The following BPTF variants were observed in gnomAD, a reference collection of about 807,000 sequenced individuals.
The protein encoded by BPTF is nucleosome-remodeling factor subunit BPTF.
Under a neutral mutation model 292.5 loss-of-function variants are expected in BPTF, and 18 were observed. That is an observed-to-expected ratio of 0.06 (90% CI 0.04 to 0.09). BPTF has a LOEUF of 0.09. BPTF is among the 10% of genes least tolerant of loss of function. BPTF has a pLI of 1.00. For missense variants in BPTF, 2,726 were observed against 3,498.7 expected (o/e 0.78, Z 5.57); for synonymous variants, 1,225 against 1,251.9 (o/e 0.98, Z 0.45).
Position 67,911,010 on chromosome 17 carries a change from T to C in BPTF, c.3126T>C (p.Ser1042=). 1 of 1,613,906 alleles carries C rather than the reference T, an allele frequency of 6.2e-7. No homozygotes were observed. Among genetic ancestry groups the C allele is most frequent in the Non-Finnish European group, 8.5e-7 (1 of 1,179,872 alleles). ...ESSQVDVVNV[S]EGFHLRTSYK... is the part of the protein sequence containing the mutation. Reference sequence around the variant, plus strand: ...CTCAAGTAGATGTGGTCAATGTTAGTGAGGGTTTTCATCTAAGGACTAGTT... The same window carrying C: ...CTCAAGTAGATGTGGTCAATGTTAGCGAGGGTTTTCATCTAAGGACTAGTT... The change falls in exon 11 of 28, where the codon AGT becomes AGC. Residue 1042 remains serine (S), a synonymous_variant. Coordinates refer to ENST00000306378, the MANE Select transcript of BPTF (RefSeq NM_182641.4).
chr17:67,937,131 T>C (rs1159980254), intron 18 of BPTF, among the ~76,000 whole-genome samples: 1 of 152,150 alleles, frequency 6.6e-6, no homozygotes, highest in East Asian at 1.9e-4. Flanking sequence ...TATAATAATG[T>C]ATGAATTTTA....
chr17:67,849,747 G>C (rs1206377978), intron 1 of BPTF, among the ~76,000 whole-genome samples: 1 of 152,014 alleles, frequency 6.6e-6, no homozygotes, highest in African/African-American at 2.4e-5. Context: ...AGACCAGCCT[G>C]GCCAACATGG....
intron 26 of BPTF, chr17:67,974,150 TG>T (rs2148577887): frequency 6.6e-6 from 1 of 152,362 alleles, no homozygotes; most frequent in South Asian, 2.1e-4. Flanking sequence ...TGGAGATTAC[TG>T]GCCTTTCACT....
At chr17:67,833,997 C>T (rs993017460) in intron 1 of BPTF, among the ~76,000 whole-genome samples, 11 of 152,122 alleles carry the variant, frequency 7.2e-5, no homozygotes, top group African/African-American at 2.7e-4. Flanking sequence ...TCCTTATTCA[C>T]TCCTTATTTC....
chr17:67,825,919 C>A lies in BPTF; in HGVS notation c.195C>A (p.Ser65Arg), dbSNP rs1217399164. Residue 65 changes from serine (S) to arginine (R), a missense_variant, in exon 1 of 28, where the codon AGC becomes AGA. This residue lies in a region of BPTF where 103 missense variants were observed against 72.1 expected (regional missense o/e 1.43). Transcript: ENST00000306378. ...AGGTGGCGCCCAAGACGCGGCTGAG[C>A]TCGCCCAGGGGGGGCAGCAGTAGCC... is the stretch of plus-strand genomic sequence containing the variant. ...QAEVAPKTRLSSPRGGSSSRR... is the reference protein window; with the variant it reads ...QAEVAPKTRLRSPRGGSSSRR... 11 of 1,015,028 alleles carry A rather than the reference C, an allele frequency of 1.1e-5. No individual in the cohort carries two copies. The highest frequency in any genetic ancestry group is 1.7e-5 in the African/African-American group (1 of 57,368). The allele number at this position is 1,015,028 out of a possible 1,614,324, so 62.9% of individuals were successfully genotyped here.
At chr17:67,836,632 G>C (rs575582642) in intron 1 of BPTF, among the ~76,000 whole-genome samples, 20 of 152,152 alleles carry the variant, frequency 1.3e-4, no homozygotes, top group Non-Finnish European at 2.2e-4. Context: ...CATGAGGACT[G>C]ATAAAACTCC....
chr17:67,856,481 T>G (rs11654980), intron 2 of BPTF, among the ~76,000 whole-genome samples: 4 of 152,244 alleles, frequency 2.6e-5, no homozygotes, highest in Admixed American at 6.5e-5. Context: ...TTCAGATGTT[T>G]ATTAATTCTT....
intron 1 of BPTF, among the ~76,000 whole-genome samples, chr17:67,837,756 C>G (rs1327628109): frequency 1.3e-5 from 2 of 152,166 alleles, no homozygotes; most frequent in East Asian, 3.9e-4. Flanking sequence ...AAGGTTTACT[C>G]AGACCTTTAG....
intron 23 of BPTF, chr17:67,956,211 C>T (rs1353894444): frequency 4.1e-5 from 6 of 145,004 alleles, no homozygotes; most frequent in African/African-American, 1.3e-4. Context: ...CCCAGCTACT[C>T]GGGAGGCTGA....
At chr17:67,875,861 A>C (rs1032639964) in intron 4 of BPTF, 1 of 861,172 alleles carries the variant, frequency 1.2e-6, no homozygotes, top group African/African-American at 1.8e-5. Context: ...GCTTGCTTAC[A>C]GTGCCATCCC....
In BPTF at chr17:67,874,980, C is replaced by A. The variant is rs780062771; in HGVS notation, c.1824C>A (p.Asp608Glu). ...EDQSLEKDSD[D>E]KTPDDDPEQG... ...AGTCCCTTGAAAAAGACAGTGACGACAAAACACCAGATGATGACCCTGAGC... is the reference window on the plus strand; with the variant it reads ...AGTCCCTTGAAAAAGACAGTGACGAAAAAACACCAGATGATGACCCTGAGC... Residue 608 changes from aspartate (D) to glutamate (E), a missense_variant, in exon 4 of 28, where the codon GAC becomes GAA. By Grantham distance (45) the Asp-to-Glu change is conservative (BLOSUM62 2). Transcript: ENST00000306378. 6.2e-7 allele frequency: 1 copy of A among 1,613,606 alleles called. No homozygotes were observed. Among genetic ancestry groups the A allele is most frequent in the South Asian group, 1.1e-5 (1 of 90,974 alleles).
intron 9 of BPTF, 30 bp downstream of exon 9, chr17:67,904,870 A>G: frequency 6.4e-7 from 1 of 1,552,108 alleles, no homozygotes; most frequent in Non-Finnish European, 8.8e-7. Flanking sequence ...TGTCCTGCAT[A>G]ATCGTTTCTG....
chr17:67,964,141 G>C, intron 24 of BPTF, 71 bp from the exon 25 acceptor site: 1 of 1,476,134 alleles, frequency 6.8e-7, no homozygotes, highest in Admixed American at 2.0e-5. Flanking sequence ...CAAATTTTCA[G>C]GTGCATGCTT....
chr17:67,956,833 G>A (rs2066993847), intron 23 of BPTF: 2 of 152,010 alleles, frequency 1.3e-5, no homozygotes, highest in African/African-American at 4.8e-5. Context: ...GTGTGGTGGC[G>A]GGCGCATGTA....
At chr17:67,932,846 T>G (rs1343895909) in intron 18 of BPTF, among the ~76,000 whole-genome samples, 1 of 151,464 alleles carries the variant, frequency 6.6e-6, no homozygotes, top group African/African-American at 2.4e-5. Flanking sequence ...ATAAAGGCCA[T>G]AAAAAGAAAG....
In BPTF at chr17:67,854,062, G is replaced by A. The variant is rs756897689; in HGVS notation, c.736G>A (p.Val246Ile). The A allele has an allele frequency of 3.7e-6, 6 of 1,614,070 alleles. No individual in the cohort carries two copies. The change falls in exon 2 of 28, where the codon GTC becomes ATC. Residue 246 changes from valine (V) to isoleucine (I), a missense_variant. Val to Ile is a conservative substitution (Grantham distance 29). This residue lies in a region of BPTF where 102 missense variants were observed against 212.6 expected (regional missense o/e 0.48). Coordinates refer to ENST00000306378, the MANE Select transcript of BPTF (RefSeq NM_182641.4). The surrounding 1 kb of genome is among the most constrained non-coding windows in gnomAD (Gnocchi z 5.6). ...GGTGCCTAATGAGCATATAATGAAT[G>A]TCATTGCCATTTACGAGGTACTGCG... Reference protein sequence around the residue: ...LMVPNEHIMNVIAIYEVLRNF... With the variant: ...LMVPNEHIMNIIAIYEVLRNF...
chr17:67,967,741 C>T (rs1195968008), intron 26 of BPTF, among the ~76,000 whole-genome samples: 1 of 151,374 alleles, frequency 6.6e-6, no homozygotes, highest in Non-Finnish European at 1.5e-5. Flanking sequence ...ATCACTTGAA[C>T]CCGGGAGGCA....
At chr17:67,952,109 G>C (rs1235435147) in intron 23 of BPTF, among the ~76,000 whole-genome samples, 3 of 149,442 alleles carry the variant, frequency 2.0e-5, no homozygotes, top group African/African-American at 7.4e-5. Flanking sequence ...TTGAGTTTGA[G>C]ACCAGCCTGT....
intron 7 of BPTF, among the ~76,000 whole-genome samples, chr17:67,900,722 C>G (rs1379522017): frequency 1.3e-5 from 2 of 151,926 alleles, no homozygotes; most frequent in African/African-American, 4.8e-5. Flanking sequence ...AGTTAATGTG[C>G]AAGAATACTG....
Sources: gnomAD v4.1 joint callset for allele counts (sites outside exome capture counted in the v4.1 genomes callset) on GRCh38, gnomAD v4.1.1 for gene constraint, gnomAD v4.1.1 regional missense constraint, Gnocchi (gnomAD v3.1) non-coding constraint, MANE v1.5 for transcripts, NCBI Gene and HGNC (gene_info 2026-07-23, HGNC 2026-07-21) for gene names.